Variants in LGALS9 observed in about 807,000 individuals in gnomAD.
The protein encoded by LGALS9 is galectin-9.
In LGALS9, 26 loss-of-function variants were observed where a neutral mutation model predicts 35.9. That is an observed-to-expected ratio of 0.72 (90% CI 0.53 to 1.01). The LOEUF (loss-of-function observed/expected upper bound fraction) is 1.01. Among genes scored for constraint, LGALS9 ranks in the 50% least tolerant of loss-of-function variants. The pLI, the probability that LGALS9 is intolerant of heterozygous loss-of-function variation, is 0.00. For synonymous variants in LGALS9, 149 were observed against 172.2 expected (o/e 0.87, Z 1.06); for missense variants, 347 against 445.8 (o/e 0.78, Z 1.99).
Position 27,649,050 on chromosome 17 carries a change from T to A in LGALS9, c.*68T>A. On this transcript the variant is annotated 3_prime_UTR_variant, in exon 11 of 11. Coordinates refer to ENST00000395473, the MANE Select transcript of LGALS9 (RefSeq NM_009587.3). Reference sequence around the variant, plus strand: ...GTCTGGGTCCTCTCATCATCCCCACTTCCCAGGCCCAGCCTTTCCAACCCT... The same window carrying A: ...GTCTGGGTCCTCTCATCATCCCCACATCCCAGGCCCAGCCTTTCCAACCCT... 1 of 1,606,262 alleles carries A rather than the reference T, an allele frequency of 6.2e-7. No individual in the cohort carries two copies. Among genetic ancestry groups the A allele is most frequent in the African/African-American group, 1.3e-5 (1 of 74,856 alleles).
intron 3 of LGALS9, chr17:27,641,122 A>G: frequency 6.6e-6 from 3 of 454,064 alleles, no homozygotes; most frequent in South Asian, 3.6e-5. Flanking sequence ...TTTCAGCGAC[A>G]TCGTTCCAGC....
At chr17:27,640,502 G>A (rs180697872) in intron 2 of LGALS9, 70 bp from the exon 3 acceptor site, 20 of 1,601,660 alleles carry the variant, frequency 1.2e-5, no homozygotes, top group South Asian at 8.8e-5. Context: ...CACAGGCGCC[G>A]AGGCCCTCCT....
intron 10 of LGALS9, among the ~76,000 whole-genome samples, chr17:27,648,068 G>C (rs1357849305): frequency 6.6e-6 from 1 of 152,254 alleles, no homozygotes; most frequent in East Asian, 1.9e-4. Flanking sequence ...GGAAATATCA[G>C]TGCTGGGACC....
intron 5 of LGALS9, 198 bp from the exon 6 acceptor site, chr17:27,645,116 A>C (rs954731709): frequency 1.2e-4 from 123 of 1,024,658 alleles, no homozygotes; most frequent in Middle Eastern, 2.5e-4. Context: ...CTACCCCCCA[A>C]CCCCAAAGCC....
rs535960863 is a variant in LGALS9 at position 27,642,425 on chromosome 17, G to T, written c.444+77G>T. ...CGTAGCTGTGTCTAAGCCCTGCTGG[G>T]TGGGCCCAAGCCAATCTCCTACCCA... On this transcript the variant is annotated intron_variant, in intron 4 of 10. Coordinates refer to ENST00000395473, the MANE Select transcript of LGALS9 (RefSeq NM_009587.3). The T allele has an allele frequency of 6.3e-6, 10 of 1,598,392 alleles. No homozygotes were observed. In the South Asian group the frequency reaches 1.1e-4, roughly 18 times the overall value.
In LGALS9 at chr17:27,640,560, C is replaced by T; in HGVS notation, c.132-12C>T. On this transcript the variant is annotated splice_polypyrimidine_tract_variant and intron_variant, in intron 2 of 10. Coordinates refer to ENST00000395473, the MANE Select transcript of LGALS9 (RefSeq NM_009587.3). ...CATGCCACAGAAGACTATTTGCTTTCCCTGGGCCTAGGTTTGCTGTGAACT... is the reference window on the plus strand; with the variant it reads ...CATGCCACAGAAGACTATTTGCTTTTCCTGGGCCTAGGTTTGCTGTGAACT... 6.2e-7 allele frequency: 1 copy of T among 1,614,010 alleles called. No individual in the cohort carries two copies.
chr17:27,631,471 G>A (rs531800597), intron 1 of LGALS9, among the ~76,000 whole-genome samples, 167 bp downstream of exon 1: 42 of 152,332 alleles, frequency 2.8e-4, no homozygotes, highest in African/African-American at 9.4e-4. Flanking sequence ...CACCTGTGCC[G>A]TGCTGAGCTC....
In LGALS9 at chr17:27,642,309, C is replaced by A; in HGVS notation, c.405C>A (p.Ser135=). The part of the protein sequence containing the change: ...RVPFHRVDTI[S]VNGSVQLSYI... ...CCTTCCACCGTGTGGACACCATCTC[C>A]GTCAATGGCTCTGTGCAGCTGTCCT... is the stretch of plus-strand genomic sequence containing the variant. The change falls in exon 4 of 11, where the codon TCC becomes TCA. Residue 135 remains serine (S), a synonymous_variant. Coordinates refer to ENST00000395473, the MANE Select transcript of LGALS9 (RefSeq NM_009587.3). The A allele has an allele frequency of 6.2e-7, 1 of 1,612,414 alleles. No individual in the cohort carries two copies. The highest frequency in any genetic ancestry group is 8.5e-7 in the Non-Finnish European group (1 of 1,179,836).
In LGALS9 at chr17:27,649,194, A is replaced by T; in HGVS notation, c.*212A>T. The T allele has an allele frequency of 1.4e-6, 1 of 715,108 alleles. No individual in the cohort carries two copies. Among genetic ancestry groups the T allele is most frequent in the Non-Finnish European group, 2.3e-6 (1 of 431,264 alleles). 44.3% of individuals were successfully genotyped at this position (715,108 alleles called of 1,614,324 possible). The stretch of plus-strand genomic sequence containing the variant: ...GATTGCCTTCCTCAGCCGCAGCAGC[A>T]CCTGGGGCTCCAGCTGCTGGAATCC... On this transcript the variant is annotated 3_prime_UTR_variant, in exon 11 of 11. Transcript: ENST00000395473.
At chr17:27,644,038 AG>A in intron 5 of LGALS9, 1 of 170,196 alleles carries the variant, frequency 5.9e-6, no homozygotes, top group South Asian at 1.6e-4. Context: ...ATTCTCCAGC[AG>A]GGTATATGAA....
At position 27,640,782 on chromosome 17, in the gene LGALS9, G is replaced by T. The variant is rs1204704899; in HGVS notation, c.333+9G>T. Reference sequence around the variant, plus strand: ...AGAGCTCAGATTTCAAGGTGAGCAAGAATCCCCTCCCCACCTCTCACCCCT... The same window carrying T: ...AGAGCTCAGATTTCAAGGTGAGCAATAATCCCCTCCCCACCTCTCACCCCT... On this transcript the variant is annotated intron_variant, in intron 3 of 10. Coordinates refer to ENST00000395473, the MANE Select transcript of LGALS9 (RefSeq NM_009587.3). 1 of 1,613,716 alleles carries T rather than the reference G, an allele frequency of 6.2e-7. No homozygotes were observed. The highest frequency in any genetic ancestry group is 8.5e-7 in the Non-Finnish European group (1 of 1,179,816).
At chr17:27,633,245 C>T (rs765961939) in intron 1 of LGALS9, among the ~76,000 whole-genome samples, 9 of 152,170 alleles carry the variant, frequency 5.9e-5, no homozygotes, top group Non-Finnish European at 1.3e-4. Context: ...TAAAAGTGGC[C>T]GGGGTTGCTG....
chr17:27,645,347 A>C lies in LGALS9; in HGVS notation c.574A>C (p.Ile192Leu), dbSNP rs752765910. Residue 192 changes from isoleucine (I) to leucine (L), a missense_variant and splice_region_variant, in exon 6 of 11, where the codon ATT becomes CTT. By Grantham distance (5) the Ile-to-Leu change is conservative. Transcript: ENST00000395473. ...PGVWPANPAP[I>L]TQTVIHTVQS... The stretch of plus-strand genomic sequence containing the variant: ...CGTGTGGCCTGCCAACCCGGCTCCC[A>C]TTGTAAGTCTCTTGCTTTCTTTTTG... 1 of 1,613,406 alleles carries C rather than the reference A, an allele frequency of 6.2e-7. No homozygotes were observed. Among genetic ancestry groups the C allele is most frequent in the East Asian group, 2.2e-5 (1 of 44,828 alleles).
intron 5 of LGALS9, 76 bp from the exon 6 acceptor site, chr17:27,645,238 T>C: frequency 6.2e-7 from 1 of 1,611,856 alleles, no homozygotes; most frequent in Non-Finnish European, 8.5e-7. Context: ...AGAGCCTCCC[T>C]GGAGTTTTGC....
chr17:27,631,893 A>G (rs1248194900), intron 1 of LGALS9, among the ~76,000 whole-genome samples: 7 of 149,254 alleles, frequency 4.7e-5, no homozygotes, highest in Admixed American at 2.7e-4. Flanking sequence ...AGCAGGGAAG[A>G]CCTCCCGAGG....
chr17:27,639,224 G>T (rs1419086008), intron 2 of LGALS9, among the ~76,000 whole-genome samples: 1 of 152,166 alleles, frequency 6.6e-6, no homozygotes, highest in Non-Finnish European at 1.5e-5. Context: ...GGACTTCTCT[G>T]AGAGACTGCG....
At position 27,649,530 on chromosome 17, in the gene LGALS9, A is replaced by G. The variant is rs1318568874; in HGVS notation, c.*548A>G. 6.1e-6 allele frequency: 1 copy of G among 162,796 alleles called. No individual in the cohort carries two copies. The highest frequency in any genetic ancestry group is 2.4e-5 in the African/African-American group (1 of 41,596). 10.1% of individuals were successfully genotyped at this position (162,796 alleles called of 1,614,324 possible). On this transcript the variant is annotated 3_prime_UTR_variant, in exon 11 of 11. Transcript: ENST00000395473. ...GCTCCTTTCCCAGTGTCCTTAAAAT[A>G]AAGAAATGAAAATGCTTGTTGGCAC...
Position 27,648,853 on chromosome 17 carries a change from A to G in LGALS9, c.939A>G (p.Glu313=), listed in dbSNP as rs747803291. 8 of 1,612,020 alleles carry G rather than the reference A, an allele frequency of 5.0e-6. No individual in the cohort carries two copies. The highest frequency in any genetic ancestry group is 1.3e-5 in the African/African-American group (1 of 74,266). ...GQSFSVWILC[E]AHCLKVAVDG... is the part of the protein sequence containing the mutation. ...CTGCACAGGTGTGGATCTTGTGTGA[A>G]GCTCACTGCCTCAAGGTGGCCGTGG... Residue 313 remains glutamate (E), a synonymous_variant, in exon 11 of 11, where the codon GAA becomes GAG. Coordinates refer to ENST00000395473, the MANE Select transcript of LGALS9 (RefSeq NM_009587.3).
In LGALS9 at chr17:27,647,211, G is replaced by A. The variant is rs912486165; in HGVS notation, c.759-59G>A. On this transcript the variant is annotated intron_variant, in intron 9 of 10. Coordinates refer to ENST00000395473, the MANE Select transcript of LGALS9 (RefSeq NM_009587.3). Reference sequence around the variant, plus strand: ...GGCTTCAGGAAGGCTACTGATGATGGGGAGGAAATGGGACTCAGAATTCGG... The same window carrying A: ...GGCTTCAGGAAGGCTACTGATGATGAGGAGGAAATGGGACTCAGAATTCGG... 91 of 1,613,412 alleles carry A rather than the reference G, an allele frequency of 5.6e-5. No homozygotes were observed. In the African/African-American group the frequency reaches 1.1e-3, roughly 19 times the overall value.
Sources: allele counts gnomAD v4.1 joint callset (sites outside exome capture counted in the v4.1 genomes callset), GRCh38; gene constraint gnomAD v4.1.1; transcripts MANE v1.5; gene names NCBI Gene and HGNC (gene_info 2026-07-23, HGNC 2026-07-21).